The following ARHGAP20 variants were observed in gnomAD, a reference collection of about 807,000 sequenced individuals.
The protein encoded by ARHGAP20 is rho GTPase-activating protein 20.
In ARHGAP20, 34 loss-of-function variants were observed where a neutral mutation model predicts 73.7. The ratio of observed to expected loss-of-function variants is 0.46; its 90% CI spans 0.35 to 0.61. ARHGAP20 has a LOEUF of 0.61. ARHGAP20 is among the 20% of genes least tolerant of loss of function. The probability of loss-of-function intolerance (pLI) is 0.00; values close to 1 mark genes in which losing one functional copy is unlikely to be tolerated. For missense variants in ARHGAP20, 1,314 were observed against 1,420.9 expected, an observed-to-expected ratio of 0.92 and a Z score of 1.21; for synonymous variants, 523 against 518.2, an observed-to-expected ratio of 1.01 and a Z score of -0.13.
At chr11:110,650,308 T>C (rs1255880195) in intron 2 of ARHGAP20, among the ~76,000 whole-genome samples, 1 of 152,172 alleles carries the variant, frequency 6.6e-6, no homozygotes, top group Non-Finnish European at 1.5e-5. Flanking sequence ...GCAGAATTAA[T>C]AGCTAAACAA....
At chr11:110,584,505 T>C (rs983528401) in intron 12 of ARHGAP20, among the ~76,000 whole-genome samples, 1 of 152,092 alleles carries the variant, frequency 6.6e-6, no homozygotes, top group East Asian at 1.9e-4. Context: ...GAGGCCTTTC[T>C]TTAGTACAAT....
In ARHGAP20 at chr11:110,583,742, A is replaced by G. The variant is rs756840279; in HGVS notation, c.1416-5T>C. On this transcript the variant is annotated splice_region_variant and splice_polypyrimidine_tract_variant and intron_variant, in intron 12 of 14. Coordinates refer to ENST00000683387, the MANE Select transcript of ARHGAP20 (RefSeq NM_001384657.1). ...CTCGGAAGCTGGTCTAATAGCCTAAAGACAGAAAAATTACTCTTTAAGCAA... is the reference window on the plus strand; with the variant it reads ...CTCGGAAGCTGGTCTAATAGCCTAAGGACAGAAAAATTACTCTTTAAGCAA... The G allele has an allele frequency of 1.3e-6, 2 of 1,544,300 alleles. No homozygotes were observed. Among genetic ancestry groups the G allele is most frequent in the Non-Finnish European group, 1.8e-6 (2 of 1,141,228 alleles).
chr11:110,608,400 T>C (rs548388964), intron 8 of ARHGAP20, among the ~76,000 whole-genome samples: 15 of 152,174 alleles, frequency 9.9e-5, no homozygotes, highest in Admixed American at 5.2e-4. Context: ...TAATTCCTCA[T>C]GACAAATGCT....
chr11:110,711,071 G>C (rs1156546974), intron 1 of ARHGAP20, among the ~76,000 whole-genome samples: 1 of 151,740 alleles, frequency 6.6e-6, no homozygotes, highest in Non-Finnish European at 1.5e-5. Flanking sequence ...GGAGGCGGGG[G>C]ACAGGCAGAC....
chr11:110,580,502 G>T lies in ARHGAP20; in HGVS notation c.2444C>A (p.Ser815Tyr). The change falls in exon 15 of 15, where the codon TCC becomes TAC. Residue 815 changes from serine (S) to tyrosine (Y), a missense_variant. By Grantham distance (144) the Ser-to-Tyr change is moderately radical (BLOSUM62 -2). Transcript: ENST00000683387. ...ATTCACATCAAAGGGCTGGTTCTTGGAATGATCCTGTGAGGACATAGGACT... is the reference window on the plus strand; with the variant it reads ...ATTCACATCAAAGGGCTGGTTCTTGTAATGATCCTGTGAGGACATAGGACT... The part of the protein sequence containing the change: ...SYSPMSSQDH[S>Y]KNQPFDVNTS... The T allele has an allele frequency of 2.5e-6, 4 of 1,614,134 alleles. No homozygotes were observed. Among genetic ancestry groups the T allele is most frequent in the Non-Finnish European group, 3.4e-6 (4 of 1,180,016 alleles).
chr11:110,676,983 G>A (rs1045574961), intron 2 of ARHGAP20, among the ~76,000 whole-genome samples: 1 of 152,004 alleles, frequency 6.6e-6, no homozygotes, highest in African/African-American at 2.4e-5. Flanking sequence ...TCAATGTATA[G>A]AAATTATTCT....
chr11:110,659,689 T>C (rs1949554584), intron 2 of ARHGAP20, among the ~76,000 whole-genome samples: 1 of 152,080 alleles, frequency 6.6e-6, no homozygotes, highest in Non-Finnish European at 1.5e-5. Flanking sequence ...ATTAAGAAAA[T>C]GTGGCACATA....
chr11:110,651,151 G>A (rs1489353254), intron 2 of ARHGAP20, among the ~76,000 whole-genome samples: 1 of 152,270 alleles, frequency 6.6e-6, no homozygotes, highest in East Asian at 1.9e-4. Context: ...GGTAAATAAT[G>A]AAATTGAGGC....
rs1206700860 is a variant in ARHGAP20 at position 110,580,751 on chromosome 11, T to A, written c.2195A>T (p.Asp732Val). The A allele has an allele frequency of 6.2e-7, 1 of 1,614,146 alleles. No individual in the cohort carries two copies. The highest frequency in any genetic ancestry group is 8.5e-7 in the Non-Finnish European group (1 of 1,180,018). ...YQKKLRKSSC[D>V]AILSQKDEDY... ...TTCATCTTTTTGAGAAAGAATTGCA[T>A]CACAGCTGGACTTGCGTAGCTTTTT... Residue 732 changes from aspartate to valine, a missense_variant, in exon 15 of 15, where the codon GAT becomes GTT. Physicochemically the swap from Asp to Val is radical, Grantham distance 152. Transcript: ENST00000683387.
Position 110,681,048 on chromosome 11 carries a change from T to C in ARHGAP20, c.188+9499A>G, listed in dbSNP as rs74396289. On this transcript the variant is annotated intron_variant, in intron 2 of 14. Coordinates refer to ENST00000683387, the MANE Select transcript of ARHGAP20 (RefSeq NM_001384657.1). ...ATCTTCAAGTATTAAATTTCTACTT[T>C]GGTGTTCGCATCATATACCTTGGAT... Among the ~76,000 whole-genome samples, 200 of 152,330 alleles carry C rather than the reference T, an allele frequency of 1.3e-3. 5 individuals carry two copies. The East Asian group carries it at 0.033, about 25-fold the overall frequency.
Position 110,583,608 on chromosome 11 carries a change from T to G in ARHGAP20, c.1545A>C (p.Pro515=). ...AGGAAGCAGGAGGCCAAAGAATACTTGGAGCGACACACACAGCTAAATTAA... is the reference window on the plus strand; with the variant it reads ...AGGAAGCAGGAGGCCAAAGAATACTGGGAGCGACACACACAGCTAAATTAA... ...TAFNLAVCVA[P]SILWPPASSS... Residue 515 remains proline, a synonymous_variant, in exon 13 of 15, where the codon CCA becomes CCC. Transcript: ENST00000683387. 1 of 1,612,712 alleles carries G rather than the reference T, an allele frequency of 6.2e-7. No individual in the cohort carries two copies.
intron 14 of ARHGAP20, among the ~76,000 whole-genome samples, chr11:110,581,930 C>CA (rs35432649): frequency 0.021 from 1,859 of 89,222 alleles, 48 homozygotes; most frequent in African/African-American, 0.068. Flanking sequence ...AAGGAGAGGA[C>CA]AAAAAAAAAA....
intron 2 of ARHGAP20, among the ~76,000 whole-genome samples, chr11:110,682,021 G>A (rs1483565710): frequency 6.6e-6 from 1 of 152,180 alleles, no homozygotes; most frequent in Admixed American, 6.5e-5. Context: ...TACATAGGGA[G>A]AACTCAAAAG....
chr11:110,686,411 G>T (rs1950132761), intron 2 of ARHGAP20, among the ~76,000 whole-genome samples: 1 of 152,098 alleles, frequency 6.6e-6, no homozygotes, highest in Non-Finnish European at 1.5e-5. Flanking sequence ...AATTTAAAAG[G>T]AAATACAAAT....
chr11:110,683,862 T>C (rs1007068878), intron 2 of ARHGAP20, among the ~76,000 whole-genome samples: 2 of 152,128 alleles, frequency 1.3e-5, no homozygotes, highest in African/African-American at 4.8e-5. Context: ...TAATTACCAG[T>C]GTGATAATAT....
At chr11:110,609,102 T>C in intron 7 of ARHGAP20, 52 bp from the exon 8 acceptor site, 2 of 1,551,372 alleles carry the variant, frequency 1.3e-6, no homozygotes, top group Non-Finnish European at 1.8e-6. Flanking sequence ...ATTTGATACT[T>C]GAATGAGGAC....
intron 2 of ARHGAP20, among the ~76,000 whole-genome samples, chr11:110,638,604 C>G (rs112926426): frequency 2.4e-4 from 37 of 151,784 alleles, no homozygotes; most frequent in African/African-American, 8.5e-4. Context: ...GTGGGGTGAG[C>G]TGGAGATGAA....
At chr11:110,663,036 T>G (rs1351959679) in intron 2 of ARHGAP20, among the ~76,000 whole-genome samples, 1 of 151,976 alleles carries the variant, frequency 6.6e-6, no homozygotes, top group Non-Finnish European at 1.5e-5. Flanking sequence ...TCTCAGAATT[T>G]GTGGAATACC....
rs993271277 is a variant in ARHGAP20 at position 110,619,362 on chromosome 11, T to C, written c.504-3768A>G. ...TGCAGTGATAGAGTATATGTAGTGATAGCATATATGTAGAGTATATGCAGT... is the reference window on the plus strand; with the variant it reads ...TGCAGTGATAGAGTATATGTAGTGACAGCATATATGTAGAGTATATGCAGT... On this transcript the variant is annotated intron_variant, in intron 4 of 14. Coordinates refer to ENST00000683387, the MANE Select transcript of ARHGAP20 (RefSeq NM_001384657.1). Among the ~76,000 whole-genome samples the C allele has an allele frequency of 4.6e-4, 69 of 150,748 alleles. 1 individual carries two copies. The highest frequency in any genetic ancestry group is 4.4e-4 in the Non-Finnish European group (30 of 67,674).
Sources: allele counts gnomAD v4.1 joint callset (sites outside exome capture counted in the v4.1 genomes callset), GRCh38; gene constraint gnomAD v4.1.1; transcripts MANE v1.5; gene names NCBI Gene and HGNC (gene_info 2026-07-23, HGNC 2026-07-21).